RYR2: variants seen among roughly 807,000 people sequenced by gnomAD.
The protein encoded by RYR2 is ryanodine receptor 2.
RYR2 carries 227 observed loss-of-function variants against 601.1 expected under a neutral mutation model. The observed-to-expected ratio is 0.38, with a 90% CI of 0.34 to 0.42. RYR2 has a LOEUF of 0.42. Among genes scored for constraint, RYR2 ranks in the 10% least tolerant of loss-of-function variants. The probability of loss-of-function intolerance (pLI) is 1.00; values close to 1 mark genes in which losing one functional copy is unlikely to be tolerated. For missense variants in RYR2, 4,646 were observed against 6,156.5 expected, an observed-to-expected ratio of 0.75 and a Z score of 8.21; for synonymous variants, 2,223 against 2,175.1, an observed-to-expected ratio of 1.02 and a Z score of -0.61.
intron 1 of RYR2, among the ~76,000 whole-genome samples, chr1:237,139,063 A>T (rs1042825252): frequency 6.6e-6 from 1 of 152,228 alleles, no homozygotes; most frequent in Non-Finnish European, 1.5e-5. Flanking sequence ...ATATATATCC[A>T]CACAAAAACT....
At chr1:237,273,346 A>T (rs909376787) in intron 2 of RYR2, among the ~76,000 whole-genome samples, 5 of 152,202 alleles carry the variant, frequency 3.3e-5, no homozygotes, top group Non-Finnish European at 5.9e-5. Context: ...GAGCAGCTGT[A>T]CATACAGATG....
rs769481590 is a variant in RYR2 at position 237,216,807 on chromosome 1, A to G, written c.49-53690A>G. Among the ~76,000 whole-genome samples the G allele has an allele frequency of 2.0e-5, 3 of 152,204 alleles. No homozygotes were observed. In the East Asian group the frequency reaches 5.8e-4, roughly 29 times the overall value. On this transcript the variant is annotated intron_variant, in intron 1 of 104. Coordinates refer to ENST00000366574, the MANE Select transcript of RYR2 (RefSeq NM_001035.3). ...ACAAAAAAAAGCAAGAAAAACCCCT[A>G]TAATGTGTTCAATATACTATATAGG...
chr1:237,830,592 A>G lies in RYR2; in HGVS notation c.14718A>G (p.Glu4906=). 1 of 1,610,912 alleles carries G rather than the reference A, an allele frequency of 6.2e-7. No homozygotes were observed. The highest frequency in any genetic ancestry group is 1.7e-4 in the Middle Eastern group (1 of 6,060). ...TCGACACAGTGCCACATGGCTTTGA[A>G]ACCCACACTTTACAGGAGCACAACT... The part of the protein sequence containing the change: ...DYFDTVPHGF[E]THTLQEHNLA... The change falls in exon 103 of 105, where the codon GAA becomes GAG. Residue 4906 remains glutamate, a synonymous_variant. Transcript: ENST00000366574.
intron 2 of RYR2, among the ~76,000 whole-genome samples, chr1:237,308,602 C>G (rs1694147448): frequency 6.6e-6 from 1 of 152,132 alleles, no homozygotes; most frequent in Admixed American, 6.5e-5. Flanking sequence ...TTCTGATGCT[C>G]AGATGTGTTC....
intron 73 of RYR2, among the ~76,000 whole-genome samples, chr1:237,720,622 GTTTT>G (rs1396215699): frequency 6.6e-6 from 1 of 152,212 alleles, no homozygotes; most frequent in Non-Finnish European, 1.5e-5. Flanking sequence ...GACACTAAAT[GTTTT>G]TATGTACATG....
chr1:237,744,320 T>A (rs985591572), intron 80 of RYR2, among the ~76,000 whole-genome samples: 1 of 150,238 alleles, frequency 6.7e-6, no homozygotes, highest in African/African-American at 2.4e-5. Context: ...AGATGATACC[T>A]ATAAAGACTT....
chr1:237,450,527 C>T (rs370138743), intron 14 of RYR2, among the ~76,000 whole-genome samples: 1 of 138,238 alleles, frequency 7.2e-6, no homozygotes, highest in East Asian at 2.3e-4. Flanking sequence ...TGCCCCGCCA[C>T]TCCCCATTAT....
intron 103 of RYR2, among the ~76,000 whole-genome samples, 190 bp downstream of exon 103, chr1:237,830,820 G>T (rs1663688429): frequency 6.6e-6 from 1 of 152,196 alleles, no homozygotes. Context: ...TTAAGTTGCA[G>T]CTCTTCATGT....
chr1:237,473,493 T>C (rs1661022424), intron 17 of RYR2, among the ~76,000 whole-genome samples: 2 of 127,742 alleles, frequency 1.6e-5, no homozygotes. Context: ...TATATGTACT[T>C]ATTAAATTAG....
chr1:237,608,913 G>A (rs1212693781), intron 35 of RYR2, among the ~76,000 whole-genome samples: 4 of 150,548 alleles, frequency 2.7e-5, no homozygotes, highest in African/African-American at 9.8e-5. Context: ...ATTTTCATTG[G>A]CCGACTAATA....
In RYR2 at chr1:237,566,760, C is replaced by A. The variant is rs371248758; in HGVS notation, c.3408C>A (p.Ala1136=). 2.0e-5 allele frequency: 33 copies of A among 1,613,856 alleles called. No homozygotes were observed. The African/African-American group carries it at 4.4e-4, about 22-fold the overall frequency. Residue 1136 remains alanine, a synonymous_variant, in exon 28 of 105, where the codon GCC becomes GCA. Coordinates refer to ENST00000366574, the MANE Select transcript of RYR2 (RefSeq NM_001035.3). ...QELGSDERAF[A]FDGFKAQRWH... ...TTGGCTCAGATGAACGTGCCTTTGC[C>A]TTTGATGGCTTCAAGGTGAGTGGAC...
chr1:237,667,787 ATGAGTTATTCCTTTACGGTATC>A, intron 57 of RYR2, 74 bp from the exon 58 acceptor site: 1 of 853,534 alleles, frequency 1.2e-6, no homozygotes, highest in Non-Finnish European at 1.8e-6. Flanking sequence ...CTAATACTGT[ATGAGTTATTCCTTTACGGTATC>A]TAATATTATA....
chr1:237,506,628 T>C, intron 22 of RYR2, 82 bp from the exon 23 acceptor site: 1 of 880,296 alleles, frequency 1.1e-6, no homozygotes. Context: ...TTTTATTTAG[T>C]TCAATTTGCA....
chr1:237,618,072 G>C (rs191001855), intron 38 of RYR2, among the ~76,000 whole-genome samples: 1 of 152,116 alleles, frequency 6.6e-6, no homozygotes, highest in Non-Finnish European at 1.5e-5. Context: ...CTGGCGTAGG[G>C]ATGGTGTTAA....
At position 237,227,991 on chromosome 1, in the gene RYR2, A is replaced by G. The variant is rs540451261; in HGVS notation, c.49-42506A>G. On this transcript the variant is annotated intron_variant, in intron 1 of 104. Coordinates refer to ENST00000366574, the MANE Select transcript of RYR2 (RefSeq NM_001035.3). ...CTTTTTTTTTTTATTTTTGATTTCC[A>G]TAGGTTTTTGGGGAACATGTGGTAT... Among the ~76,000 whole-genome samples the G allele has an allele frequency of 1.2e-3, 183 of 150,504 alleles. 1 individual carries two copies. The highest frequency in any genetic ancestry group is 4.4e-3 in the African/African-American group (179 of 40,854).
In RYR2 at chr1:237,667,452, G is replaced by T. The variant is rs564006686; in HGVS notation, c.8515-431G>T. 1.9e-4 allele frequency among the ~76,000 whole-genome samples: 29 copies of T among 152,244 alleles called. No individual in the cohort carries two copies. The South Asian group carries it at 2.5e-3, about 13-fold the overall frequency. ...GAAAGATTAACTTGGCTAGTCTAAG[G>T]TCTCTCACCTAGTTTGGACAGAGAT... On this transcript the variant is annotated intron_variant, in intron 57 of 104. Transcript: ENST00000366574.
chr1:237,282,157 G>A (rs1160944888), intron 2 of RYR2, among the ~76,000 whole-genome samples: 1 of 150,948 alleles, frequency 6.6e-6, no homozygotes, highest in Non-Finnish European at 1.5e-5. Context: ...ACACACTGCA[G>A]CAAATGAAGC....
At chr1:237,268,321 C>A (rs1007430308) in intron 1 of RYR2, among the ~76,000 whole-genome samples, 7 of 152,122 alleles carry the variant, frequency 4.6e-5, no homozygotes, top group Admixed American at 1.3e-4. Flanking sequence ...AGGCATTGAA[C>A]ACACCAGCAC....
chr1:237,387,805 C>G (rs544772375), intron 9 of RYR2, among the ~76,000 whole-genome samples: 2 of 152,294 alleles, frequency 1.3e-5, no homozygotes, highest in African/African-American at 4.8e-5. Flanking sequence ...TTCCAACTTA[C>G]ATAGGTTCAC....
Sources: allele counts gnomAD v4.1 joint callset (sites outside exome capture counted in the v4.1 genomes callset), GRCh38; gene constraint gnomAD v4.1.1; transcripts MANE v1.5; gene names NCBI Gene and HGNC (gene_info 2026-07-23, HGNC 2026-07-21).